ESRRG: variants seen among roughly 807,000 people sequenced by gnomAD.
The protein encoded by ESRRG is estrogen related receptor gamma.
A neutral mutation model predicts 44.0 loss-of-function variants in ESRRG; 13 were observed. That is an observed-to-expected ratio of 0.30 (90% CI 0.19 to 0.47). The LOEUF is 0.47. Among genes scored for constraint, ESRRG ranks in the 20% least tolerant of loss-of-function variants. The pLI is 1.00. For synonymous variants in ESRRG, 215 were observed against 214.6 expected, an observed-to-expected ratio of 1.00 and a Z score of -0.02; for missense variants, 395 against 580.6, an observed-to-expected ratio of 0.68 and a Z score of 3.29.
chr1:216,565,317 TTAAGATTTTATGCTTTCTTC>T (rs1558525544), intron 4 of ESRRG, among the ~76,000 whole-genome samples: 1 of 152,172 alleles, frequency 6.6e-6, no homozygotes, highest in Non-Finnish European at 1.5e-5. Flanking sequence ...TATATGTAGC[TTAAGATTTTATGCTTTCTTC>T]TAAGTGAGGA....
chr1:216,706,875 A>C (rs1281931445), intron 1 of ESRRG, among the ~76,000 whole-genome samples: 1 of 152,250 alleles, frequency 6.6e-6, no homozygotes, highest in Non-Finnish European at 1.5e-5. Context: ...CTTCAAAAAT[A>C]AATAAATAAA....
At chr1:216,686,928 C>G (rs892581296) in intron 1 of ESRRG, among the ~76,000 whole-genome samples, 6 of 152,250 alleles carry the variant, frequency 3.9e-5, no homozygotes, top group Admixed American at 6.5e-5. Context: ...ACCTTGAGAG[C>G]AAGGACTATT....
chr1:216,934,183 C>G (rs1255522190), intron 2 of ESRRG, among the ~76,000 whole-genome samples: 1 of 152,152 alleles, frequency 6.6e-6, no homozygotes, highest in Admixed American at 6.5e-5. Context: ...CCTGTAATTC[C>G]AGCACTTTAG....
At chr1:217,038,428 T>C (rs1006250433) in intron 1 of ESRRG, among the ~76,000 whole-genome samples, 2 of 152,232 alleles carry the variant, frequency 1.3e-5, no homozygotes, top group Non-Finnish European at 2.9e-5. Flanking sequence ...TATCCCAGGA[T>C]AGATGGATTG....
At chr1:216,853,841 A>T (rs917496254) in intron 2 of ESRRG, among the ~76,000 whole-genome samples, 3 of 152,186 alleles carry the variant, frequency 2.0e-5, no homozygotes, top group Non-Finnish European at 4.4e-5. Context: ...AAATGATTCA[A>T]CTGATTCAAT....
intron 5 of ESRRG, among the ~76,000 whole-genome samples, chr1:216,555,542 A>C (rs1020834582): frequency 4.6e-5 from 7 of 152,168 alleles, no homozygotes; most frequent in African/African-American, 1.7e-4. Context: ...CTTTAAAAAA[A>C]AAAAAAAACC....
At chr1:216,728,145 A>G (rs2087935698), upstream of ESRRG, among the ~76,000 whole-genome samples, 1 of 152,204 alleles carries the variant, frequency 6.6e-6, no homozygotes, top group South Asian at 2.1e-4. Context: ...CAAGCTTTCT[A>G]TAATCTGCAT....
chr1:217,125,103 C>T (rs1050893827), intron 1 of ESRRG, among the ~76,000 whole-genome samples: 1 of 152,158 alleles, frequency 6.6e-6, no homozygotes, highest in Non-Finnish European at 1.5e-5. Flanking sequence ...TCTGCCCATT[C>T]CCTATCCTAG....
chr1:217,085,448 G>A (rs2092017236), intron 1 of ESRRG, among the ~76,000 whole-genome samples: 1 of 131,008 alleles, frequency 7.6e-6, no homozygotes, highest in Non-Finnish European at 1.6e-5. Context: ...TCTGGAGAAA[G>A]ATTTTTTTTT....
intron 1 of ESRRG, among the ~76,000 whole-genome samples, chr1:217,035,189 T>A (rs1383108139): frequency 6.6e-6 from 1 of 151,766 alleles, no homozygotes; most frequent in East Asian, 1.9e-4. Flanking sequence ...AGATGATGTA[T>A]AAAAAGTGCT....
At chr1:216,664,737 C>T (rs565056216) in intron 2 of ESRRG, among the ~76,000 whole-genome samples, 68 of 147,742 alleles carry the variant, frequency 4.6e-4, no homozygotes, top group Non-Finnish European at 3.0e-4. Flanking sequence ...GAAAAGAATA[C>T]GAAGAAATTA....
chr1:217,066,255 C>CT (rs68151743), intron 1 of ESRRG, among the ~76,000 whole-genome samples: 17,799 of 132,104 alleles, frequency 0.13, 1,878 homozygotes, highest in East Asian at 0.56. Context: ...TTTTTCTTTT[C>CT]TTTTTTTTTT....
intron 2 of ESRRG, among the ~76,000 whole-genome samples, chr1:216,780,663 T>C (rs1424582529): frequency 6.6e-6 from 1 of 151,968 alleles, no homozygotes; most frequent in Admixed American, 6.6e-5. Flanking sequence ...CTTTAATCTA[T>C]ATTATCTGTA....
intron 4 of ESRRG, 72 bp downstream of exon 4, chr1:216,567,916 A>T (rs1490858034): frequency 3.1e-6 from 3 of 959,900 alleles, no homozygotes; most frequent in Non-Finnish European, 5.1e-6. Flanking sequence ...TGGGCATGCC[A>T]AAGCTGATGT....
At chr1:217,134,575 C>G (rs2093021104) in intron 1 of ESRRG, among the ~76,000 whole-genome samples, 1 of 152,224 alleles carries the variant, frequency 6.6e-6, no homozygotes, top group African/African-American at 2.4e-5. Flanking sequence ...CCCCGTACCC[C>G]CAAAAGTGTA....
chr1:217,096,159 A>G lies in ESRRG; in HGVS notation c.-230+41508T>C, dbSNP rs183433061. Among the ~76,000 whole-genome samples the G allele has an allele frequency of 2.2e-4, 34 of 152,346 alleles. No homozygotes were observed. In the East Asian group the frequency reaches 6.2e-3, roughly 28 times the overall value. On this transcript the variant is annotated intron_variant, in intron 1 of 8. Transcript: ENST00000366940. ...TGTATTTGTACCATACATTTCTGAA[A>G]AAACCTATCCACCTCAGAATTTTAT...
intron 1 of ESRRG, among the ~76,000 whole-genome samples, chr1:216,678,657 T>C (rs983221732): frequency 4.6e-4 from 70 of 152,318 alleles, no homozygotes; most frequent in African/African-American, 1.5e-3. Flanking sequence ...TATTTTCTTT[T>C]CATTTAGCCA....
At chr1:216,866,608 A>G (rs1373280305) in intron 2 of ESRRG, among the ~76,000 whole-genome samples, 3 of 149,882 alleles carry the variant, frequency 2.0e-5, no homozygotes, top group Non-Finnish European at 4.4e-5. Context: ...GTCTTACTCC[A>G]TCACTCAGCT....
chr1:216,633,146 A>C (rs1340943600), intron 3 of ESRRG, among the ~76,000 whole-genome samples: 1 of 152,202 alleles, frequency 6.6e-6, no homozygotes, highest in Non-Finnish European at 1.5e-5. Flanking sequence ...ATGAATGCAA[A>C]CCATTTGCAG....
Sources: gnomAD v4.1 joint callset for allele counts (sites outside exome capture counted in the v4.1 genomes callset) on GRCh38, gnomAD v4.1.1 for gene constraint, MANE v1.5 for transcripts, NCBI Gene and HGNC (gene_info 2026-07-23, HGNC 2026-07-21) for gene names.